Variants in SEMA3A observed in about 807,000 individuals in gnomAD.
SEMA3A encodes the protein semaphorin 3A, also known as semaphorin-3A.
A neutral mutation model predicts 97.9 loss-of-function variants in SEMA3A; 29 were observed. The observed-to-expected ratio is 0.30, with a 90% CI of 0.22 to 0.40. The LOEUF is 0.40. Ranked by LOEUF, SEMA3A falls within the 10% of genes least tolerant of loss-of-function variation. SEMA3A has a pLI of 1.00. For synonymous variants in SEMA3A, 321 were observed against 323.7 expected (o/e 0.99, Z 0.09); for missense variants, 763 against 951.3 (o/e 0.80, Z 2.60).
In SEMA3A at chr7:84,404,911, G is replaced by A. The variant is rs1052435240; in HGVS notation, c.-245-33011C>T. On this transcript the variant is annotated intron_variant, in intron 1 of 3. Coordinates refer to the SEMA3A transcript ENST00000424555. The stretch of plus-strand genomic sequence containing the variant: ...TGAAGGAAGCACTAAACATGGAAAG[G>A]AACAACTGGTACCAGCCACTGCAAA... Among the ~76,000 whole-genome samples the A allele has an allele frequency of 6.6e-5, 10 of 152,220 alleles. 1 individual carries two copies. Among genetic ancestry groups the A allele is most frequent in the Admixed American group, 6.5e-5 (1 of 15,280 alleles).
At chr7:84,269,270 T>C (rs937494952) in intron 3 of SEMA3A, among the ~76,000 whole-genome samples, 2 of 152,130 alleles carry the variant, frequency 1.3e-5, no homozygotes, top group African/African-American at 4.8e-5. Flanking sequence ...TGCTAATTAT[T>C]TGATAAATAA....
At position 84,263,465 on chromosome 7, in the gene SEMA3A, A is replaced by G. The variant is rs1799909674; in HGVS notation, c.-83+43742T>C. Reference sequence around the variant, plus strand: ...TCTTTGCATTACTTTTAGTTTCCCCATTGAGATATTTTACACTGTATATAA... The same window carrying G: ...TCTTTGCATTACTTTTAGTTTCCCCGTTGAGATATTTTACACTGTATATAA... On this transcript the variant is annotated intron_variant, in intron 3 of 3. Coordinates refer to the SEMA3A transcript ENST00000424555. Among the ~76,000 whole-genome samples the G allele has an allele frequency of 2.6e-5, 4 of 152,336 alleles. No individual in the cohort carries two copies. The South Asian group carries it at 8.3e-4, about 32-fold the overall frequency.
At chr7:84,270,635 C>T (rs1562880531) in intron 3 of SEMA3A, among the ~76,000 whole-genome samples, 2 of 146,398 alleles carry the variant, frequency 1.4e-5, no homozygotes, top group Non-Finnish European at 3.0e-5. Flanking sequence ...ATATTCTATT[C>T]ATATATATGC....
intron 1 of SEMA3A, among the ~76,000 whole-genome samples, chr7:84,388,989 C>T (rs1261592179): frequency 6.6e-6 from 1 of 151,854 alleles, no homozygotes; most frequent in Non-Finnish European, 1.5e-5. Context: ...AAAAGCTGTC[C>T]TTGATTATTA....
At chr7:84,456,685 A>G (rs1397651520) in intron 1 of SEMA3A, among the ~76,000 whole-genome samples, 3 of 151,868 alleles carry the variant, frequency 2.0e-5, no homozygotes, top group Non-Finnish European at 4.4e-5. Context: ...AAATTGTTCA[A>G]TTGAAAAAGT....
At chr7:83,976,928 T>A (rs1206567112) in intron 15 of SEMA3A, among the ~76,000 whole-genome samples, 4 of 152,140 alleles carry the variant, frequency 2.6e-5, no homozygotes, top group African/African-American at 4.8e-5. Context: ...TTTATCATCA[T>A]AATAAAACAT....
chr7:84,030,177 T>G (rs917829780), intron 6 of SEMA3A, among the ~76,000 whole-genome samples: 3 of 152,104 alleles, frequency 2.0e-5, no homozygotes, highest in African/African-American at 7.2e-5. Context: ...CTAAATAATA[T>G]AGAACTTTCT....
chr7:84,233,806 T>A (rs1799170442), intron 3 of SEMA3A, among the ~76,000 whole-genome samples: 1 of 152,030 alleles, frequency 6.6e-6, no homozygotes, highest in Non-Finnish European at 1.5e-5. Context: ...GAGGCCAAAC[T>A]ATGTCTGGCA....
At chr7:84,327,482 A>T (rs1801800149) in intron 2 of SEMA3A, among the ~76,000 whole-genome samples, 1 of 151,930 alleles carries the variant, frequency 6.6e-6, no homozygotes, top group Non-Finnish European at 1.5e-5. Context: ...TATGCCAAGA[A>T]TTATACCAGG....
At chr7:84,454,309 A>G (rs1199689889) in intron 1 of SEMA3A, among the ~76,000 whole-genome samples, 1 of 152,130 alleles carries the variant, frequency 6.6e-6, no homozygotes, top group Non-Finnish European at 1.5e-5. Context: ...TATTCTGTGA[A>G]ACAGTAAGAC....
chr7:84,110,367 G>T, intron 4 of SEMA3A, 103 bp downstream of exon 4: 1 of 1,315,236 alleles, frequency 7.6e-7, no homozygotes, highest in Non-Finnish European at 1.1e-6. Flanking sequence ...AGGTCCCACT[G>T]AATAGTGAAC....
chr7:84,033,978 T>G (rs1008488440), intron 6 of SEMA3A, among the ~76,000 whole-genome samples: 24 of 137,004 alleles, frequency 1.8e-4, no homozygotes, highest in African/African-American at 6.1e-4. Context: ...GGCAATTTTT[T>G]GTTTTTAATT....
At position 84,194,651 on chromosome 7, in the gene SEMA3A, G is replaced by T; in HGVS notation, c.-65C>A. ...CTTCCTGTATTGTGCGGCCAGAGAA[G>T]TTCAAACAATCTGGAAACTGGAGGT... is the stretch of plus-strand genomic sequence containing the variant. On this transcript the variant is annotated 5_prime_UTR_variant, in exon 1 of 17. Coordinates refer to ENST00000265362, the MANE Select transcript of SEMA3A (RefSeq NM_006080.3). The T allele has an allele frequency of 2.0e-6, 2 of 1,019,224 alleles. No homozygotes were observed. Among genetic ancestry groups the T allele is most frequent in the Non-Finnish European group, 1.5e-6 (1 of 655,320 alleles). The allele number at this position is 1,019,224 out of a possible 1,614,324, so 63.1% of individuals were successfully genotyped here.
intron 4 of SEMA3A, among the ~76,000 whole-genome samples, chr7:84,075,262 C>T (rs1184467217): frequency 6.6e-6 from 1 of 150,660 alleles, no homozygotes; most frequent in African/African-American, 2.5e-5. Context: ...TAACCTCCAC[C>T]TCCTGGGTTC....
intron 1 of SEMA3A, among the ~76,000 whole-genome samples, chr7:84,425,134 T>C (rs1804762175): frequency 9.1e-6 from 1 of 110,398 alleles, no homozygotes; most frequent in Non-Finnish European, 1.6e-5. Context: ...TATTTATATA[T>C]AAATATTATA....
chr7:84,380,763 C>T (rs1655631335), intron 1 of SEMA3A, among the ~76,000 whole-genome samples: 1 of 152,206 alleles, frequency 6.6e-6, no homozygotes, highest in Non-Finnish European at 1.5e-5. Flanking sequence ...ATCCGTTTCA[C>T]TTCTATTTCC....
intron 15 of SEMA3A, among the ~76,000 whole-genome samples, chr7:83,973,992 T>C (rs557185531): frequency 4.9e-4 from 74 of 151,696 alleles, no homozygotes; most frequent in East Asian, 2.1e-3. Context: ...TATAGGTAAA[T>C]TGCCTTCGTC....
intron 15 of SEMA3A, among the ~76,000 whole-genome samples, chr7:83,964,807 G>C (rs41530448): frequency 0.11 from 16,363 of 152,114 alleles, 1,288 homozygotes; most frequent in African/African-American, 0.22. Flanking sequence ...AAAAAAAATT[G>C]GACATGCATA....
At chr7:84,016,858 A>G (rs772805104) in intron 6 of SEMA3A, among the ~76,000 whole-genome samples, 55 of 152,234 alleles carry the variant, frequency 3.6e-4, no homozygotes, top group Non-Finnish European at 6.9e-4. Context: ...TGAGGATATT[A>G]TAATCCAACT....
Sources: gnomAD v4.1 joint callset for allele counts (sites outside exome capture counted in the v4.1 genomes callset) on GRCh38, gnomAD v4.1.1 for gene constraint, MANE v1.5 for transcripts, NCBI Gene and HGNC (gene_info 2026-07-23, HGNC 2026-07-21) for gene names.